Variants in LDLRAD4 observed in about 807,000 individuals in gnomAD.
LDLRAD4 encodes low-density lipoprotein receptor class A domain-containing protein 4.
In LDLRAD4, 5 loss-of-function variants were observed where a neutral mutation model predicts 17.0. That is an observed-to-expected ratio of 0.29 (90% CI 0.15 to 0.62). The LOEUF (loss-of-function observed/expected upper bound fraction) is 0.62. Among genes scored for constraint, LDLRAD4 ranks in the 20% least tolerant of loss-of-function variants. LDLRAD4 has a pLI of 0.84. For synonymous variants in LDLRAD4, 168 were observed against 171.8 expected, an observed-to-expected ratio of 0.98 and a Z score of 0.17; for missense variants, 340 against 424.7, an observed-to-expected ratio of 0.80 and a Z score of 1.75.
chr18:13,318,773 C>T lies in LDLRAD4; in HGVS notation c.-383+40585C>T, dbSNP rs1444846997. ...TGTGTCACTGTGGTGCTGCCTGGGC[C>T]ACAGACCTAGGCAGGACCCTGGGTG... On this transcript the variant is annotated intron_variant, in intron 1 of 5. Coordinates refer to ENST00000359446, the Ensembl canonical transcript of LDLRAD4. 2.0e-5 allele frequency among the ~76,000 whole-genome samples: 3 copies of T among 152,136 alleles called. No individual in the cohort carries two copies. The East Asian group carries it at 5.8e-4, about 29-fold the overall frequency.
chr18:13,642,506 T>C, intron 4 of LDLRAD4: 1 of 1,224,628 alleles, frequency 8.2e-7, no homozygotes, highest in Non-Finnish European at 1.0e-6. Flanking sequence ...GGATGCTAAC[T>C]CACCAGATGT....
intron 2 of LDLRAD4, among the ~76,000 whole-genome samples, chr18:13,394,206 G>A (rs1460894360): frequency 6.6e-6 from 1 of 152,136 alleles, no homozygotes; most frequent in Non-Finnish European, 1.5e-5. Flanking sequence ...TAACGTTTCT[G>A]TGTGTAAATA....
intron 4 of LDLRAD4, among the ~76,000 whole-genome samples, chr18:13,624,150 C>A (rs1443983119): frequency 6.6e-6 from 1 of 151,546 alleles, no homozygotes; most frequent in Non-Finnish European, 1.5e-5. Flanking sequence ...GGCGGAGGAG[C>A]CGGCCCCACC....
intron 2 of LDLRAD4, among the ~76,000 whole-genome samples, chr18:13,389,983 G>GT (rs71366049): frequency 0.026 from 3,816 of 147,734 alleles, 64 homozygotes; most frequent in Non-Finnish European, 0.036. Context: ...CCCAGCTCAC[G>GT]TTTTTTTTTA....
intron 3 of LDLRAD4, among the ~76,000 whole-genome samples, chr18:13,545,072 A>G (rs750468423): frequency 6.6e-6 from 1 of 152,136 alleles, no homozygotes; most frequent in Non-Finnish European, 1.5e-5. Context: ...AGCCTTATCC[A>G]GTGGTGCTCC....
At chr18:13,478,830 A>C (rs553286587) in intron 3 of LDLRAD4, among the ~76,000 whole-genome samples, 1 of 152,348 alleles carries the variant, frequency 6.6e-6, no homozygotes, top group Admixed American at 6.5e-5. Context: ...ACAGTACTGA[A>C]GGGCAAGAGC....
At chr18:13,635,947 G>GTGTA (rs1330288795) in intron 4 of LDLRAD4, among the ~76,000 whole-genome samples, 1 of 151,840 alleles carries the variant, frequency 6.6e-6, no homozygotes, top group African/African-American at 2.4e-5. Flanking sequence ...GTGTGTGTGT[G>GTGTA]TGTGTGTGTG....
At chr18:13,237,572 C>A (rs928045104) in intron 1 of LDLRAD4, among the ~76,000 whole-genome samples, 2 of 152,128 alleles carry the variant, frequency 1.3e-5, no homozygotes, top group African/African-American at 4.8e-5. Flanking sequence ...GCAGTTAGTT[C>A]GAAGACATTC....
chr18:13,329,059 A>G (rs2081696344), intron 1 of LDLRAD4, among the ~76,000 whole-genome samples: 1 of 152,194 alleles, frequency 6.6e-6, no homozygotes, highest in Non-Finnish European at 1.5e-5. Context: ...GAATGGATAC[A>G]CCAGATTTTT....
At chr18:13,488,975 T>C (rs1000625166) in intron 3 of LDLRAD4, 4 of 152,206 alleles carry the variant, frequency 2.6e-5, no homozygotes, top group African/African-American at 9.7e-5. Flanking sequence ...AAAGATTTAT[T>C]GCAGAGTGAA....
chr18:13,426,398 G>A (rs894831320), intron 2 of LDLRAD4, among the ~76,000 whole-genome samples: 3 of 152,192 alleles, frequency 2.0e-5, no homozygotes, highest in African/African-American at 7.2e-5. Context: ...GCAGAGCTTG[G>A]AATTCTGGCC....
intron 1 of LDLRAD4, among the ~76,000 whole-genome samples, chr18:13,247,459 A>G (rs1429080921): frequency 3.9e-5 from 6 of 152,224 alleles, no homozygotes. Context: ...GGTGCAGTCC[A>G]GGATGCCATG....
chr18:13,541,799 T>C (rs914171124), intron 3 of LDLRAD4, among the ~76,000 whole-genome samples: 33 of 152,288 alleles, frequency 2.2e-4, no homozygotes, highest in African/African-American at 7.7e-4. Flanking sequence ...ACACTTGTGA[T>C]CCCAGCACTT....
intron 3 of LDLRAD4, among the ~76,000 whole-genome samples, chr18:13,443,256 A>G (rs2091150380): frequency 6.6e-6 from 1 of 152,074 alleles, no homozygotes; most frequent in Non-Finnish European, 1.5e-5. Context: ...TTTTTCTCCC[A>G]AAGAGACTGG....
intron 1 of LDLRAD4, among the ~76,000 whole-genome samples, chr18:13,359,880 C>T (rs2083560186): frequency 6.6e-6 from 1 of 152,216 alleles, no homozygotes; most frequent in South Asian, 2.1e-4. Context: ...CCTCAGATGA[C>T]GCTGTTCTTG....
chr18:13,389,236 C>T (rs546150580), intron 2 of LDLRAD4, among the ~76,000 whole-genome samples: 2 of 152,146 alleles, frequency 1.3e-5, no homozygotes, highest in African/African-American at 4.8e-5. Context: ...GCAGCTCCCT[C>T]GTGGATACTC....
At chr18:13,498,987 T>TCG (rs2093551613) in intron 3 of LDLRAD4, among the ~76,000 whole-genome samples, 4 of 90,228 alleles carry the variant, frequency 4.4e-5, no homozygotes, top group African/African-American at 1.3e-4. Context: ...AGAATCCATC[T>TCG]CCACACACGT....
chr18:13,390,179 A>C (rs1429107284), intron 2 of LDLRAD4, among the ~76,000 whole-genome samples: 1 of 152,168 alleles, frequency 6.6e-6, no homozygotes, highest in African/African-American at 2.4e-5. Flanking sequence ...GAGTTTCCCA[A>C]GAATCTGTTT....
chr18:13,504,105 C>G (rs962825988), intron 3 of LDLRAD4, among the ~76,000 whole-genome samples: 3 of 152,154 alleles, frequency 2.0e-5, no homozygotes, highest in South Asian at 2.1e-4. Context: ...TTGAATCACA[C>G]AAGTGGTAAG....
Sources: gnomAD v4.1 joint callset for allele counts (sites outside exome capture counted in the v4.1 genomes callset) on GRCh38, gnomAD v4.1.1 for gene constraint, MANE v1.5 for transcripts, NCBI Gene and HGNC (gene_info 2026-07-23, HGNC 2026-07-21) for gene names.